MMP26: variants seen among roughly 807,000 people sequenced by gnomAD.
MMP26 encodes the protein matrix metalloproteinase-26.
A neutral mutation model predicts 31.0 loss-of-function variants in MMP26; 33 were observed. The observed-to-expected ratio is 1.06, with a 90% CI of 0.81 to 1.42. MMP26 has a LOEUF of 1.42. Among genes scored for constraint, MMP26 ranks in the 40% most tolerant of loss-of-function variants. The pLI, the probability that MMP26 is intolerant of heterozygous loss-of-function variation, is 0.00. For missense variants in MMP26, 347 were observed against 316.1 expected (o/e 1.10, Z -0.74); for synonymous variants, 122 against 114.9 (o/e 1.06, Z -0.40).
At chr11:4,781,040 A>G (rs1848851915) in intron 2 of MMP26, among the ~76,000 whole-genome samples, 1 of 152,130 alleles carries the variant, frequency 6.6e-6, no homozygotes, top group South Asian at 2.1e-4. Context: ...TACAGAGACT[A>G]TATGTTTCCA....
At chr11:4,873,131 T>A (rs1850332672) in intron 2 of MMP26, among the ~76,000 whole-genome samples, 1 of 152,092 alleles carries the variant, frequency 6.6e-6, no homozygotes, top group African/African-American at 2.4e-5. Context: ...TAATTAAACA[T>A]GATCAACTTT....
intron 1 of MMP26, among the ~76,000 whole-genome samples, chr11:4,766,599 TCA>T (rs1271239809): frequency 6.6e-6 from 1 of 151,922 alleles, no homozygotes; most frequent in African/African-American, 2.4e-5. Context: ...TTTAATTAAC[TCA>T]CATCAGTAAA....
At chr11:4,926,670 T>C (rs995127354) in intron 2 of MMP26, among the ~76,000 whole-genome samples, 17 of 152,204 alleles carry the variant, frequency 1.1e-4, no homozygotes, top group African/African-American at 4.1e-4. Context: ...GTTGCAATCA[T>C]AGTATTCCAT....
chr11:4,897,967 TA>T (rs949580378), intron 2 of MMP26, among the ~76,000 whole-genome samples: 1 of 148,486 alleles, frequency 6.7e-6, no homozygotes, highest in African/African-American at 2.4e-5. Context: ...TATATATAAA[TA>T]ATAAATTTAA....
At chr11:4,758,268 A>G (rs1410484440) in intron 1 of MMP26, among the ~76,000 whole-genome samples, 5 of 152,164 alleles carry the variant, frequency 3.3e-5, no homozygotes, top group Admixed American at 3.3e-4. Flanking sequence ...TTGTATGATC[A>G]ATTTTAATGA....
At chr11:4,840,867 A>T (rs1849783687) in intron 2 of MMP26, among the ~76,000 whole-genome samples, 1 of 152,254 alleles carries the variant, frequency 6.6e-6, no homozygotes, top group African/African-American at 2.4e-5. Flanking sequence ...CCTTTCAGAT[A>T]GAATTCAAAA....
chr11:4,951,029 A>G (rs1479848656), intron 2 of MMP26, among the ~76,000 whole-genome samples: 2 of 123,816 alleles, frequency 1.6e-5, no homozygotes, highest in Non-Finnish European at 3.7e-5. Context: ...ATTTCTAAAA[A>G]AGTTAGTTCC....
chr11:4,723,022 G>A (rs1293740709), intron 1 of MMP26: 12 of 975,122 alleles, frequency 1.2e-5, no homozygotes, highest in Non-Finnish European at 1.3e-5. Context: ...TGTAGGTGGC[G>A]ATCTCGATAT....
intron 1 of MMP26, among the ~76,000 whole-genome samples, chr11:4,746,564 A>T (rs1469217960): frequency 2.0e-5 from 3 of 152,096 alleles, no homozygotes; most frequent in African/African-American, 4.8e-5. Context: ...GGGGCCGGGC[A>T]TGGTGGCTCA....
chr11:4,772,135 C>A (rs527826236), intron 2 of MMP26, among the ~76,000 whole-genome samples: 1 of 152,154 alleles, frequency 6.6e-6, no homozygotes, highest in Non-Finnish European at 1.5e-5. Context: ...AGAAACCACC[C>A]TCTCTCCCTA....
chr11:4,803,537 G>A lies in MMP26; in HGVS notation c.-145+36196G>A, dbSNP rs1392955865. The A allele has an allele frequency of 2.5e-6, 4 of 1,613,946 alleles. No homozygotes were observed. The African/African-American group carries it at 4.0e-5, about 16-fold the overall frequency. The stretch of plus-strand genomic sequence containing the variant: ...AGCATGGGAGGTATCAGTAGATAGA[G>A]ATTAGCAAACAGGATGTGTACAACT... On this transcript the variant is annotated intron_variant, in intron 2 of 7. Transcript: ENST00000380390.
chr11:4,761,538 C>G (rs140841563), intron 1 of MMP26, among the ~76,000 whole-genome samples: 2 of 152,274 alleles, frequency 1.3e-5, no homozygotes, highest in African/African-American at 4.8e-5. Flanking sequence ...GGTCAGTTAG[C>G]TAGCATCAGG....
At chr11:4,798,991 A>G in intron 2 of MMP26, among the ~76,000 whole-genome samples, 1 of 152,092 alleles carries the variant, frequency 6.6e-6, no homozygotes, top group East Asian at 1.9e-4. Context: ...TGCCTTTAAT[A>G]CGGTTTTGTC....
chr11:4,744,138 G>C (rs1848349851), intron 1 of MMP26, among the ~76,000 whole-genome samples: 1 of 151,982 alleles, frequency 6.6e-6, no homozygotes, highest in African/African-American at 2.4e-5. Flanking sequence ...CTACTCTTCA[G>C]GGATACTATA....
intron 2 of MMP26, among the ~76,000 whole-genome samples, chr11:4,823,250 G>T (rs1001894297): frequency 1.3e-5 from 2 of 152,046 alleles, no homozygotes; most frequent in African/African-American, 4.8e-5. Context: ...TTCATCCTTT[G>T]TGTGTGCTTC....
At chr11:4,774,376 A>G (rs558391277) in intron 2 of MMP26, among the ~76,000 whole-genome samples, 97 of 152,228 alleles carry the variant, frequency 6.4e-4, no homozygotes, top group Middle Eastern at 3.4e-3. Flanking sequence ...TCTAGTGATC[A>G]GTGATATTGA....
At chr11:4,878,117 G>A (rs1268228010) in intron 2 of MMP26, 14 of 152,256 alleles carry the variant, frequency 9.2e-5, no homozygotes. Flanking sequence ...TTCCAGAGTG[G>A]CATGCAAATG....
At chr11:4,953,080 C>A (rs1446449751) in intron 2 of MMP26, among the ~76,000 whole-genome samples, 1 of 125,068 alleles carries the variant, frequency 8.0e-6, no homozygotes, top group African/African-American at 2.7e-5. Context: ...GAAAGTTGGA[C>A]TATTTTTCAG....
chr11:4,727,710 G>A (rs114468146), intron 1 of MMP26, among the ~76,000 whole-genome samples: 4,567 of 152,284 alleles, frequency 0.03, 83 homozygotes, highest in Middle Eastern at 0.048. Flanking sequence ...CTTGGAGGCT[G>A]AGGTGAGAGA....
Sources: allele counts gnomAD v4.1 joint callset (sites outside exome capture counted in the v4.1 genomes callset), GRCh38; gene constraint gnomAD v4.1.1; transcripts MANE v1.5; gene names NCBI Gene and HGNC (gene_info 2026-07-23, HGNC 2026-07-21).